NT5C2: variants seen among roughly 807,000 people sequenced by gnomAD.
NT5C2 encodes cytosolic purine 5'-nucleotidase.
A neutral mutation model predicts 76.1 loss-of-function variants in NT5C2; 58 were observed. The ratio of observed to expected loss-of-function variants is 0.76; its 90% CI spans 0.62 to 0.95. The LOEUF (loss-of-function observed/expected upper bound fraction) is 0.95, where lower values mean the gene tolerates loss of function less well. NT5C2 is among the 40% of genes least tolerant of loss of function. The probability of loss-of-function intolerance (pLI) is 0.00; values close to 1 mark genes in which losing one functional copy is unlikely to be tolerated. For synonymous variants in NT5C2, 229 were observed against 237.4 expected (o/e 0.96, Z 0.32); for missense variants, 478 against 690.3 (o/e 0.69, Z 3.45).
intron 3 of NT5C2, among the ~76,000 whole-genome samples, chr10:103,145,780 G>A (rs1225819727): frequency 1.3e-5 from 2 of 152,050 alleles, no homozygotes; most frequent in Non-Finnish European, 2.9e-5. Flanking sequence ...ACGAAGCACA[G>A]ACTTCAATAT....
intron 4 of NT5C2, among the ~76,000 whole-genome samples, chr10:103,130,582 T>TA (rs1491255137): frequency 2.3e-4 from 12 of 52,500 alleles, no homozygotes; most frequent in Middle Eastern, 9.6e-3. Flanking sequence ...AAAATAAAAA[T>TA]TAAAAAAAAA....
chr10:103,098,701 T>C (rs904596055), intron 10 of NT5C2: 9 of 481,824 alleles, frequency 1.9e-5, no homozygotes, highest in Non-Finnish European at 3.3e-5. Flanking sequence ...TTCTTGCCTA[T>C]CAAGAAACAG....
chr10:103,183,147 A>G (rs2091380785), intron 1 of NT5C2, among the ~76,000 whole-genome samples: 1 of 151,714 alleles, frequency 6.6e-6, no homozygotes, highest in African/African-American at 2.4e-5. Context: ...AGTGTCACCT[A>G]TAACTCAAAG....
chr10:103,089,099 C>CTTCT lies in NT5C2; in HGVS notation c.*569_*572dup, dbSNP rs945690135. The CTTCT allele has an allele frequency of 1.3e-5, 3 of 226,598 alleles. No individual in the cohort carries two copies. Among genetic ancestry groups the CTTCT allele is most frequent in the African/African-American group, 6.7e-5 (3 of 45,018 alleles). 14.0% of individuals were successfully genotyped at this position (226,598 alleles called of 1,614,324 possible). On this transcript the variant is annotated 3_prime_UTR_variant, in exon 19 of 19. Coordinates refer to ENST00000404739, the MANE Select transcript of NT5C2 (RefSeq NM_001351169.2). Reference sequence around the variant, plus strand: ...CCTAAAGCAACGCAAGTAGAGCATACTTCTGTGCAAAGCCAGTGATAGAGA... The same window carrying CTTCT: ...CCTAAAGCAACGCAAGTAGAGCATACTTCTTTCTGTGCAAAGCCAGTGATAGAGA...
At chr10:103,174,056 A>G (rs2089112118) in intron 3 of NT5C2, among the ~76,000 whole-genome samples, 2 of 149,632 alleles carry the variant, frequency 1.3e-5, no homozygotes, top group Non-Finnish European at 1.5e-5. Flanking sequence ...AGATCATGCC[A>G]CTGCATTCCA....
intron 2 of NT5C2, among the ~76,000 whole-genome samples, chr10:103,176,376 G>A (rs1002800310): frequency 4.6e-5 from 7 of 152,084 alleles, no homozygotes; most frequent in African/African-American, 1.2e-4. Context: ...CCCTGCAGAA[G>A]GCAACTGTTG....
chr10:103,119,887 C>T (rs1223693708), intron 4 of NT5C2, among the ~76,000 whole-genome samples: 2 of 151,928 alleles, frequency 1.3e-5, no homozygotes, highest in African/African-American at 4.8e-5. Flanking sequence ...CTGCTTGAGT[C>T]CAGGAATTAG....
intron 3 of NT5C2, among the ~76,000 whole-genome samples, chr10:103,155,385 G>A (rs539382597): frequency 6.6e-6 from 1 of 152,246 alleles, no homozygotes; most frequent in African/African-American, 2.4e-5. Flanking sequence ...AGTTATTCCA[G>A]TTTAAAAGAT....
At chr10:103,121,785 G>A (rs1325736653) in intron 4 of NT5C2, among the ~76,000 whole-genome samples, 3 of 152,214 alleles carry the variant, frequency 2.0e-5, no homozygotes, top group Non-Finnish European at 2.9e-5. Context: ...GCCTAGAAAG[G>A]AGGGGAGGGC....
At chr10:103,100,042 T>G (rs753269129) in intron 8 of NT5C2, 23 bp from the exon 9 acceptor site, 4 of 1,501,034 alleles carry the variant, frequency 2.7e-6, no homozygotes. Context: ...AAAAATAACA[T>G]GACAGGGGAT....
chr10:103,136,902 C>T (rs1256418788), intron 4 of NT5C2, among the ~76,000 whole-genome samples: 2 of 152,182 alleles, frequency 1.3e-5, no homozygotes, highest in Admixed American at 6.5e-5. Flanking sequence ...GGATTACAGG[C>T]ATGAGCCACC....
intron 3 of NT5C2, among the ~76,000 whole-genome samples, chr10:103,152,050 T>C (rs1365788586): frequency 6.6e-6 from 1 of 152,182 alleles, no homozygotes; most frequent in Non-Finnish European, 1.5e-5. Flanking sequence ...CACTAACTAC[T>C]TCCAAGAACT....
chr10:103,188,163 T>C lies in NT5C2; in HGVS notation c.-169+5073A>G, dbSNP rs139644690. ...CGAGGTCAGGAGTTCGAGACCAGCC[T>C]GGCCAACATAGCGAAACCCCCATCT... On this transcript the variant is annotated intron_variant, in intron 1 of 18. Coordinates refer to ENST00000404739, the MANE Select transcript of NT5C2 (RefSeq NM_001351169.2). Among the ~76,000 whole-genome samples the C allele has an allele frequency of 9.3e-3, 1,417 of 152,204 alleles. 25 individuals carry two copies. The highest frequency in any genetic ancestry group is 0.031 in the African/African-American group (1,306 of 41,524).
In NT5C2 at chr10:103,099,065, C is replaced by G. The variant is rs1043654673; in HGVS notation, c.634-81G>C. 9.3e-6 allele frequency: 10 copies of G among 1,079,780 alleles called. No homozygotes were observed. The African/African-American group carries it at 1.4e-4, about 15-fold the overall frequency. The allele number at this position is 1,079,780 out of a possible 1,614,324, so 66.9% of individuals were successfully genotyped here. On this transcript the variant is annotated intron_variant, in intron 9 of 18. Coordinates refer to ENST00000404739, the MANE Select transcript of NT5C2 (RefSeq NM_001351169.2). ...TAGTTTATAAGAAAAATGGTTTTTA[C>G]TAATCAACCCAAATCCTTTCTTTTT...
chr10:103,119,667 G>C (rs1188413909), intron 4 of NT5C2, among the ~76,000 whole-genome samples: 1 of 152,196 alleles, frequency 6.6e-6, no homozygotes, highest in African/African-American at 2.4e-5. Context: ...ACTCCAAATA[G>C]ATGCAACCAG....
rs1751836790 is a variant in NT5C2, at chr10:103,154,548, C to T, written c.102-15069G>A. ...TAAGGCTTAAATTCCAGCTCCTCCACTTTCTGGCTTTGGAACTTTGAATAA... is the reference window on the plus strand; with the variant it reads ...TAAGGCTTAAATTCCAGCTCCTCCATTTTCTGGCTTTGGAACTTTGAATAA... On this transcript the variant is annotated intron_variant, in intron 3 of 18. Transcript: ENST00000404739. 2.6e-5 allele frequency among the ~76,000 whole-genome samples: 4 copies of T among 152,188 alleles called. No homozygotes were observed. In the South Asian group the frequency reaches 8.3e-4, roughly 31 times the overall value.
At chr10:103,145,152 C>A (rs1029377682) in intron 3 of NT5C2, among the ~76,000 whole-genome samples, 8 of 152,090 alleles carry the variant, frequency 5.3e-5, no homozygotes, top group African/African-American at 1.9e-4. Flanking sequence ...CTGCAATAAG[C>A]CAAATATAGT....
chr10:103,170,198 T>C (rs1439456628), intron 3 of NT5C2, among the ~76,000 whole-genome samples: 2 of 152,146 alleles, frequency 1.3e-5, no homozygotes, highest in Non-Finnish European at 2.9e-5. Flanking sequence ...TAGTCCTAGC[T>C]ACTGGGGAGG....
intron 18 of NT5C2, chr10:103,090,172 C>CA: frequency 4.9e-6 from 2 of 408,374 alleles, no homozygotes; most frequent in Middle Eastern, 6.4e-4. Flanking sequence ...TATTTTACAG[C>CA]AAAAACAAGA....
Sources: allele counts gnomAD v4.1 joint callset (sites outside exome capture counted in the v4.1 genomes callset), GRCh38; gene constraint gnomAD v4.1.1; transcripts MANE v1.5; gene names NCBI Gene and HGNC (gene_info 2026-07-23, HGNC 2026-07-21).